Variants in ADAMTSL1 observed in about 807,000 individuals in gnomAD.
The protein encoded by ADAMTSL1 is ADAMTS like 1, also known as ADAMTS-like protein 1.
Under a neutral mutation model 201.8 loss-of-function variants are expected in ADAMTSL1, and 126 were observed. The observed-to-expected ratio is 0.62, with a 90% CI of 0.54 to 0.72. The LOEUF (loss-of-function observed/expected upper bound fraction) is 0.72. Ranked by LOEUF, ADAMTSL1 falls within the 30% of genes least tolerant of loss-of-function variation. ADAMTSL1 has a pLI of 0.00. For missense variants in ADAMTSL1, 2,679 were observed against 2,277.8 expected, an observed-to-expected ratio of 1.18 and a Z score of -3.59; for synonymous variants, 1,121 against 903.4, an observed-to-expected ratio of 1.24 and a Z score of -4.32.
In ADAMTSL1 at chr9:18,707,502, G is replaced by A. The variant is rs1231662475; in HGVS notation, c.1876+454G>A. On this transcript the variant is annotated intron_variant, in intron 14 of 28. Transcript: ENST00000380548. Reference sequence around the variant, plus strand: ...ATCTGTTTACATCTCGAGGAAGGGTGTCTAAAAGGTAATTGATACAGTGGT... The same window carrying A: ...ATCTGTTTACATCTCGAGGAAGGGTATCTAAAAGGTAATTGATACAGTGGT... 2.0e-5 allele frequency among the ~76,000 whole-genome samples: 3 copies of A among 152,328 alleles called. No homozygotes were observed. In the East Asian group the frequency reaches 5.8e-4, roughly 29 times the overall value.
Position 18,484,420 on chromosome 9 carries a change from T to C in ADAMTSL1, c.63+10125T>C, listed in dbSNP as rs141821249. On this transcript the variant is annotated intron_variant, in intron 1 of 28. Transcript: ENST00000380548. The stretch of plus-strand genomic sequence containing the variant: ...AAGAATGTGTTAGAAAAACTCTAAA[T>C]CTCTAAAGATTTATATTTAAGGTCA... Among the ~76,000 whole-genome samples, 138 of 152,342 alleles carry C rather than the reference T, an allele frequency of 9.1e-4. 1 individual carries two copies. Among genetic ancestry groups the C allele is most frequent in the African/African-American group, 3.2e-3 (133 of 41,578 alleles).
At chr9:18,438,180 C>A (rs115876723) in intron 2 of ADAMTSL1, among the ~76,000 whole-genome samples, 67 of 149,124 alleles carry the variant, frequency 4.5e-4, no homozygotes, top group African/African-American at 1.5e-3. Flanking sequence ...ATTTACTGCA[C>A]GTTTCTAGTC....
At chr9:18,666,582 T>C (rs1829449432) in intron 9 of ADAMTSL1, among the ~76,000 whole-genome samples, 1 of 152,194 alleles carries the variant, frequency 6.6e-6, no homozygotes, top group African/African-American at 2.4e-5. Context: ...TAGGATCTAG[T>C]AAAATGTAAA....
intron 2 of ADAMTSL1, chr9:18,362,072 G>C (rs1416337574): frequency 6.6e-6 from 1 of 152,160 alleles, no homozygotes; most frequent in Non-Finnish European, 1.5e-5. Context: ...CTGAACATTA[G>C]TTGTGTTTAC....
At chr9:18,772,613 A>G (rs183237862) in intron 17 of ADAMTSL1, among the ~76,000 whole-genome samples, 41 of 152,354 alleles carry the variant, frequency 2.7e-4, no homozygotes, top group Non-Finnish European at 1.5e-5. Flanking sequence ...TAATGGAAAT[A>G]TAATAGTATC....
intron 14 of ADAMTSL1, among the ~76,000 whole-genome samples, chr9:18,716,439 A>C (rs1332509890): frequency 6.6e-6 from 1 of 152,328 alleles, no homozygotes; most frequent in Middle Eastern, 3.4e-3. Context: ...ACATGAACAC[A>C]GACTTCTCAA....
chr9:18,039,271 G>A (rs1821336112), intron 1 of ADAMTSL1, among the ~76,000 whole-genome samples: 1 of 152,100 alleles, frequency 6.6e-6, no homozygotes, highest in Non-Finnish European at 1.5e-5. Flanking sequence ...TAAGATTTGA[G>A]CAAATAAATA....
At chr9:18,099,926 C>T (rs950201405) in intron 1 of ADAMTSL1, among the ~76,000 whole-genome samples, 1 of 151,982 alleles carries the variant, frequency 6.6e-6, no homozygotes, top group African/African-American at 2.4e-5. Context: ...GCGCCCGGCC[C>T]TTTTTCAAAG....
chr9:18,694,779 C>T (rs1053877142), intron 13 of ADAMTSL1, among the ~76,000 whole-genome samples: 1 of 152,308 alleles, frequency 6.6e-6, no homozygotes, highest in Non-Finnish European at 1.5e-5. Flanking sequence ...CTCCACTAGG[C>T]AGTGCCCCAG....
chr9:18,768,204 G>A (rs1056023347), intron 16 of ADAMTSL1, among the ~76,000 whole-genome samples: 2 of 152,180 alleles, frequency 1.3e-5, no homozygotes, highest in Admixed American at 6.5e-5. Context: ...CCAGGCTCTC[G>A]GCAGGCTTGG....
chr9:18,090,006 C>T (rs1472015166), intron 1 of ADAMTSL1, among the ~76,000 whole-genome samples: 3 of 152,096 alleles, frequency 2.0e-5, no homozygotes, highest in African/African-American at 4.8e-5. Context: ...GAAGTTGTTA[C>T]AGTGTTTTAG....
At chr9:18,640,178 A>G (rs926381527) in intron 7 of ADAMTSL1, among the ~76,000 whole-genome samples, 1 of 152,118 alleles carries the variant, frequency 6.6e-6, no homozygotes, top group Admixed American at 6.6e-5. Flanking sequence ...TGCAATAGGC[A>G]GTAAGGTTAG....
intron 2 of ADAMTSL1, among the ~76,000 whole-genome samples, chr9:18,532,617 G>A (rs1051318999): frequency 8.6e-5 from 13 of 151,894 alleles, no homozygotes; most frequent in South Asian, 2.1e-4. Flanking sequence ...ACAAAATTGC[G>A]TAAGTGATGT....
chr9:18,429,856 G>A (rs1418478203), intron 2 of ADAMTSL1, among the ~76,000 whole-genome samples: 1 of 151,886 alleles, frequency 6.6e-6, no homozygotes, highest in Non-Finnish European at 1.5e-5. Context: ...GTGGTGCTAT[G>A]TCGGCTCACT....
At chr9:18,544,282 C>A (rs1820341266) in intron 3 of ADAMTSL1, among the ~76,000 whole-genome samples, 1 of 152,158 alleles carries the variant, frequency 6.6e-6, no homozygotes, top group Non-Finnish European at 1.5e-5. Context: ...CCCAGTGAAA[C>A]CACAGCCCAC....
intron 2 of ADAMTSL1, among the ~76,000 whole-genome samples, chr9:18,407,179 A>T (rs1818241098): frequency 6.6e-6 from 1 of 152,240 alleles, no homozygotes; most frequent in Admixed American, 6.5e-5. Flanking sequence ...GAGCAAGGAA[A>T]GCACTCAAAG....
At chr9:18,264,461 T>C (rs1007681775) in intron 2 of ADAMTSL1, among the ~76,000 whole-genome samples, 5 of 152,094 alleles carry the variant, frequency 3.3e-5, no homozygotes, top group Non-Finnish European at 7.4e-5. Context: ...AAGTGTCCCA[T>C]TCAGAATAAC....
chr9:17,950,387 C>A (rs1025868617), intron 1 of ADAMTSL1, among the ~76,000 whole-genome samples: 2 of 151,834 alleles, frequency 1.3e-5, no homozygotes, highest in East Asian at 3.9e-4. Context: ...GTAGGGAAGT[C>A]CTCTTTGAAC....
intron 1 of ADAMTSL1, among the ~76,000 whole-genome samples, chr9:18,044,521 A>C (rs1212223034): frequency 2.6e-5 from 4 of 152,076 alleles, no homozygotes; most frequent in Non-Finnish European, 5.9e-5. Context: ...GGAGGGAAAT[A>C]CTAATAATCT....
Sources: allele counts gnomAD v4.1 joint callset (sites outside exome capture counted in the v4.1 genomes callset), GRCh38; gene constraint gnomAD v4.1.1; transcripts MANE v1.5; gene names NCBI Gene and HGNC (gene_info 2026-07-23, HGNC 2026-07-21).